The following PLCG1 variants were observed in gnomAD, a reference collection of about 807,000 sequenced individuals.
PLCG1 encodes phospholipase C gamma 1.
PLCG1 carries 71 observed loss-of-function variants against 177.8 expected under a neutral mutation model. The observed-to-expected ratio is 0.40, with a 90% CI of 0.33 to 0.49. The LOEUF (loss-of-function observed/expected upper bound fraction) is 0.49, where lower values mean the gene tolerates loss of function less well. Ranked by LOEUF, PLCG1 falls within the 20% of genes least tolerant of loss-of-function variation. PLCG1 has a pLI of 0.72. For synonymous variants in PLCG1, 658 were observed against 647.9 expected (o/e 1.02, Z -0.24); for missense variants, 1,281 against 1,709.0 (o/e 0.75, Z 4.42).
Position 41,174,450 on chromosome 20 carries a change from T to A in PLCG1, c.3834-17T>A, listed in dbSNP as rs2036000110. On this transcript the variant is annotated splice_polypyrimidine_tract_variant and intron_variant, in intron 31 of 31. Coordinates refer to ENST00000685551, the MANE Select transcript of PLCG1 (RefSeq NM_002660.3). This position sits in a 1 kb window ranked among gnomAD's most constrained non-coding sequence, Gnocchi z 5.8. ...AGGCCCTGCCTGCCAGTAAGGACAC[T>A]CTTCCCTTCTGTCCAGGGCCCCAAG... 1 of 1,591,552 alleles carries A rather than the reference T, an allele frequency of 6.3e-7. No individual in the cohort carries two copies. The highest frequency in any genetic ancestry group is 1.8e-5 in the Admixed American group (1 of 56,774).
intron 4 of PLCG1, among the ~76,000 whole-genome samples, chr20:41,162,219 T>G (rs1365507772): frequency 6.7e-6 from 1 of 149,124 alleles, no homozygotes; most frequent in African/African-American, 2.5e-5. Flanking sequence ...AGGTTTTTTT[T>G]GTTTGTTTTG....
intron 1 of PLCG1, among the ~76,000 whole-genome samples, chr20:41,141,730 C>G (rs528653182): frequency 1.4e-4 from 21 of 152,340 alleles, no homozygotes; most frequent in East Asian, 1.2e-3. Context: ...CAGGCTTGCC[C>G]CGATGTGTGG....
rs777319797 is a variant in PLCG1, at chr20:41,160,114, G to A, written c.473G>A (p.Arg158Gln). Residue 158 changes from arginine (R) to glutamine (Q), a missense_variant, in exon 4 of 32, where the codon CGG becomes CAG. Arg to Gln is a conservative substitution (Grantham distance 43). Transcript: ENST00000685551. The surrounding 1 kb of genome is among the most constrained non-coding windows in gnomAD (Gnocchi z 5.5). ...PTPLQIERWL[R>Q]KQFYSVDRNR... ...CAGGCTTCTCTCTCCAGGTGGCTCC[G>A]GAAGCAGTTTTACTCAGTGGATCGG... The A allele has an allele frequency of 8.7e-6, 14 of 1,614,016 alleles. No homozygotes were observed. The highest frequency in any genetic ancestry group is 2.2e-5 in the East Asian group (1 of 44,896).
chr20:41,168,804 G>T lies in PLCG1; in HGVS notation c.2417G>T (p.Arg806Met). ...VKALFDYKAQ[R>M]EDELTFIKSA... ...GCCCTCTTTGACTACAAGGCCCAGA[G>T]GGAGGACGAGCTGACCTTCATCAAG... The change falls in exon 21 of 32, where the codon AGG (arginine) becomes ATG (methionine). Residue 806 changes from arginine (R) to methionine (M), a missense_variant. Coordinates refer to ENST00000685551, the MANE Select transcript of PLCG1 (RefSeq NM_002660.3). 1 of 1,612,878 alleles carries T rather than the reference G, an allele frequency of 6.2e-7. No individual in the cohort carries two copies. The highest frequency in any genetic ancestry group is 1.1e-5 in the South Asian group (1 of 91,012).
chr20:41,142,855 A>G (rs1248547472), intron 1 of PLCG1, among the ~76,000 whole-genome samples: 1 of 152,160 alleles, frequency 6.6e-6, no homozygotes, highest in Non-Finnish European at 1.5e-5. Flanking sequence ...AGTGCTTACT[A>G]CGTAGGATCC....
Position 41,166,442 on chromosome 20 carries a change from G to C in PLCG1, c.2001-34G>C. On this transcript the variant is annotated intron_variant, in intron 17 of 31. Transcript: ENST00000685551. The surrounding 1 kb of genome is among the most constrained non-coding windows in gnomAD (Gnocchi z 8.6). ...GACAAGGCAGGGCAGGGCCATGGGT[G>C]GTGCTGGCCGGGCCTGACTCTGCCT... 6.2e-7 allele frequency: 1 copy of C among 1,613,940 alleles called. No homozygotes were observed. Among genetic ancestry groups the C allele is most frequent in the Admixed American group, 1.7e-5 (1 of 60,034 alleles).
chr20:41,166,634 G>A lies in PLCG1; in HGVS notation c.2120+39G>A, dbSNP rs1568750348. Reference sequence around the variant, plus strand: ...CACTGGGTTGTGGGGCCTTGCTTGGGTCTGAGCTGCCCTGACCCTGTGTGA... The same window carrying A: ...CACTGGGTTGTGGGGCCTTGCTTGGATCTGAGCTGCCCTGACCCTGTGTGA... On this transcript the variant is annotated intron_variant, in intron 18 of 31. Transcript: ENST00000685551. This position sits in a 1 kb window ranked among gnomAD's most constrained non-coding sequence, Gnocchi z 8.6. 1.1e-5 allele frequency: 17 copies of A among 1,614,106 alleles called. No homozygotes were observed. The highest frequency in any genetic ancestry group is 1.4e-5 in the Non-Finnish European group (16 of 1,179,988).
In PLCG1 at chr20:41,164,225, A is replaced by G. The variant is rs1242803514; in HGVS notation, c.1217+24A>G. 27 of 1,613,314 alleles carry G rather than the reference A, an allele frequency of 1.7e-5. No homozygotes were observed. The highest frequency in any genetic ancestry group is 2.3e-5 in the Non-Finnish European group (27 of 1,179,608). ...GAGTGAGTCGGAGGCTGGATGACCC[A>G]GGGGTTAACTTGGCTCCAGGTCTCT... On this transcript the variant is annotated intron_variant, in intron 12 of 31. Transcript: ENST00000685551. This position sits in a 1 kb window ranked among gnomAD's most constrained non-coding sequence, Gnocchi z 6.4.
In PLCG1 at chr20:41,164,249, C is replaced by CT; in HGVS notation, c.1217+49dup. 1 of 1,605,384 alleles carries CT rather than the reference C, an allele frequency of 6.2e-7. No homozygotes were observed. The highest frequency in any genetic ancestry group is 1.3e-5 in the African/African-American group (1 of 74,860). On this transcript the variant is annotated intron_variant, in intron 12 of 31. Transcript: ENST00000685551. The surrounding 1 kb of genome is among the most constrained non-coding windows in gnomAD (Gnocchi z 6.4). ...CAGGGGTTAACTTGGCTCCAGGTCT[C>CT]TCGTTCTAGAGGGACAGAGGGCAGA...
In PLCG1 at chr20:41,163,713, A is replaced by G; in HGVS notation, c.892-2A>G. 6.3e-7 allele frequency: 1 copy of G among 1,588,868 alleles called. No homozygotes were observed. Among genetic ancestry groups the G allele is most frequent in the Non-Finnish European group, 8.6e-7 (1 of 1,156,886 alleles). ...TCTTCCCTTCCACATGTTTCTGGAC[A>G]GTTTGTCACCTTCCTGTTCTCCAAA... is the stretch of plus-strand genomic sequence containing the variant. On this transcript the variant is annotated splice_acceptor_variant, in intron 9 of 31. Coordinates refer to ENST00000685551, the MANE Select transcript of PLCG1 (RefSeq NM_002660.3). LOFTEE classifies it high-confidence loss of function. This position sits in a 1 kb window ranked among gnomAD's most constrained non-coding sequence, Gnocchi z 5.2.
intron 1 of PLCG1, among the ~76,000 whole-genome samples, chr20:41,154,615 C>T (rs1474461279): frequency 1.3e-5 from 2 of 152,080 alleles, no homozygotes; most frequent in Admixed American, 6.5e-5. Context: ...CCTGATGTCT[C>T]GGGGGAGTCG....
In PLCG1 at chr20:41,173,543, G is replaced by A; in HGVS notation, c.3394+9G>A. 2.5e-6 allele frequency: 4 copies of A among 1,613,824 alleles called. No individual in the cohort carries two copies. Among genetic ancestry groups the A allele is most frequent in the Non-Finnish European group, 3.4e-6 (4 of 1,179,884 alleles). On this transcript the variant is annotated intron_variant, in intron 28 of 31. Transcript: ENST00000685551. This position sits in a 1 kb window ranked among gnomAD's most constrained non-coding sequence, Gnocchi z 6.2. ...GAAGACAGAGTTTGTGGGTCAGTCTGTCTTCCCAGTCATCCTCCTCATCCT... is the reference window on the plus strand; with the variant it reads ...GAAGACAGAGTTTGTGGGTCAGTCTATCTTCCCAGTCATCCTCCTCATCCT...
At position 41,165,587 on chromosome 20, in the gene PLCG1, G is replaced by C. The variant is rs1273301557; in HGVS notation, c.1611+36G>C. On this transcript the variant is annotated intron_variant, in intron 15 of 31. Transcript: ENST00000685551. The surrounding 1 kb of genome is among the most constrained non-coding windows in gnomAD (Gnocchi z 6.6). ...AGCTCAGGTCTGGGGGCTGGGCCAG[G>C]TCAGGCCTGGGCCAGGGTCACAGTA... 2.5e-6 allele frequency: 4 copies of C among 1,612,648 alleles called. No individual in the cohort carries two copies. The South Asian group carries it at 4.4e-5, about 18-fold the overall frequency.
rs528787229 is a variant in PLCG1, at chr20:41,148,247, G to A, written c.217+10389G>A. ...AGTAACACAGAAACCAAAGAGGCAG[G>A]AACCAAGGTTGGGGTGGTGAGATGT... On this transcript the variant is annotated intron_variant, in intron 1 of 31. Transcript: ENST00000685551. This position sits in a 1 kb window ranked among gnomAD's most constrained non-coding sequence, Gnocchi z 4.3. Among the ~76,000 whole-genome samples, 116 of 152,322 alleles carry A rather than the reference G, an allele frequency of 7.6e-4. No homozygotes were observed. The highest frequency in any genetic ancestry group is 2.7e-3 in the African/African-American group (114 of 41,570).
rs2036097623 is a variant in PLCG1, at chr20:41,177,562, C to T, written c.*3053C>T. 1 of 152,228 alleles carries T rather than the reference C, an allele frequency of 6.6e-6. No homozygotes were observed. Among genetic ancestry groups the T allele is most frequent in the Admixed American group, 6.5e-5 (1 of 15,292 alleles). 9.4% of individuals were successfully genotyped at this position (152,228 alleles called of 1,614,324 possible). On this transcript the variant is annotated 3_prime_UTR_variant, in exon 32 of 32. Coordinates refer to ENST00000685551, the MANE Select transcript of PLCG1 (RefSeq NM_002660.3). ...AGCAAATAGGTTCAGGTTATCCCACCAGACTAACTCGGTGAATGAAAGGAT... is the reference window on the plus strand; with the variant it reads ...AGCAAATAGGTTCAGGTTATCCCACTAGACTAACTCGGTGAATGAAAGGAT...
Position 41,164,065 on chromosome 20 carries a change from T to G in PLCG1, c.1097-16T>G, listed in dbSNP as rs1170220908. 1 of 1,614,112 alleles carries G rather than the reference T, an allele frequency of 6.2e-7. No homozygotes were observed. Among genetic ancestry groups the G allele is most frequent in the East Asian group, 2.2e-5 (1 of 44,868 alleles). ...GGGAGGCCTGCCCGCTTGACCATGG[T>G]GATGTTGCTCCCCAGTGGACTGCTG... On this transcript the variant is annotated splice_polypyrimidine_tract_variant and intron_variant, in intron 11 of 31. Transcript: ENST00000685551. The surrounding 1 kb of genome is among the most constrained non-coding windows in gnomAD (Gnocchi z 6.4).
In PLCG1 at chr20:41,174,687, T is replaced by A; in HGVS notation, c.*178T>A. The A allele has an allele frequency of 3.2e-6, 2 of 629,312 alleles. No individual in the cohort carries two copies. Among genetic ancestry groups the A allele is most frequent in the Non-Finnish European group, 5.7e-6 (2 of 352,570 alleles). 39.0% of individuals were successfully genotyped at this position (629,312 alleles called of 1,614,324 possible). A position where few individuals can be genotyped will look rare whatever the true frequency, so the allele number is the denominator to read the frequency against. On this transcript the variant is annotated 3_prime_UTR_variant, in exon 32 of 32. Coordinates refer to ENST00000685551, the MANE Select transcript of PLCG1 (RefSeq NM_002660.3). The surrounding 1 kb of genome is among the most constrained non-coding windows in gnomAD (Gnocchi z 5.8). The stretch of plus-strand genomic sequence containing the variant: ...CCATTAATGAGATGTTATTACTGTT[T>A]TGGGCCTCCATGCCCCAGCTCTGGA...
In PLCG1 at chr20:41,177,344, G is replaced by A. The variant is rs1402771140; in HGVS notation, c.*2835G>A. 4 of 152,404 alleles carry A rather than the reference G, an allele frequency of 2.6e-5. No individual in the cohort carries two copies. In the South Asian group the frequency reaches 8.3e-4, roughly 32 times the overall value. 9.4% of individuals were successfully genotyped at this position (152,404 alleles called of 1,614,324 possible). ...AGGACTAAAGACTGCCCTGCGGGAA[G>A]ATGGCAGGAGCAGTTTCTGACCTCA... is the stretch of plus-strand genomic sequence containing the variant. On this transcript the variant is annotated 3_prime_UTR_variant, in exon 32 of 32. Coordinates refer to ENST00000685551, the MANE Select transcript of PLCG1 (RefSeq NM_002660.3).
chr20:41,149,801 C>G (rs773048727), intron 1 of PLCG1, among the ~76,000 whole-genome samples: 1 of 152,122 alleles, frequency 6.6e-6, no homozygotes, highest in Non-Finnish European at 1.5e-5. Context: ...GAAAACCAGG[C>G]AAGGTTGTGC....
Sources: allele counts gnomAD v4.1 joint callset (sites outside exome capture counted in the v4.1 genomes callset), GRCh38; gene constraint gnomAD v4.1.1; non-coding constraint Gnocchi (gnomAD v3.1); transcripts MANE v1.5; gene names NCBI Gene and HGNC (gene_info 2026-07-23, HGNC 2026-07-21).